PIEZO1: variants seen among roughly 807,000 people sequenced by gnomAD.
The protein encoded by PIEZO1 is piezo-type mechanosensitive ion channel component 1.
In PIEZO1, 296 loss-of-function variants were observed where a neutral mutation model predicts 297.2. The observed-to-expected ratio is 1.00, with a 90% CI of 0.91 to 1.10. The LOEUF is 1.10. Ranked by LOEUF, PIEZO1 falls within the 50% of genes least tolerant of loss-of-function variation. The pLI is 0.00. For missense variants in PIEZO1, 5,018 were observed against 3,455.5 expected (o/e 1.45, Z -11.34); for synonymous variants, 2,427 against 1,507.5 (o/e 1.61, Z -14.13).
intron 2 of PIEZO1, among the ~76,000 whole-genome samples, chr16:88,749,145 CAGG>C (rs1388782360): frequency 1.3e-5 from 2 of 150,324 alleles, no homozygotes. Flanking sequence ...GAGGCTGAGG[CAGG>C]AGAATGGCGT....
At chr16:88,743,261 T>C (rs1905813680) in intron 2 of PIEZO1, 1 of 456,476 alleles carries the variant, frequency 2.2e-6, no homozygotes, top group Non-Finnish European at 4.4e-6. Context: ...TCGGCGCACA[T>C]GTGGACAGCT....
At chr16:88,751,211 G>C (rs1906372006) in intron 1 of PIEZO1, among the ~76,000 whole-genome samples, 1 of 152,192 alleles carries the variant, frequency 6.6e-6, no homozygotes, top group Admixed American at 6.5e-5. Flanking sequence ...CGCAGGGCAA[G>C]TTAGAGGAGG....
At chr16:88,768,999 C>T (rs753100155) in intron 1 of PIEZO1, among the ~76,000 whole-genome samples, 56 of 152,370 alleles carry the variant, frequency 3.7e-4, no homozygotes, top group Non-Finnish European at 7.1e-4. Flanking sequence ...AAAGGCCACA[C>T]ACTGAAGTAC....
At chr16:88,748,488 TCCCCCC>T (rs67008739) in intron 2 of PIEZO1, among the ~76,000 whole-genome samples, 1 of 136,182 alleles carries the variant, frequency 7.3e-6, no homozygotes, top group South Asian at 2.4e-4. Flanking sequence ...GGGTCTCAGC[TCCCCCC>T]CCCCCCCGCA....
Position 88,731,762 on chromosome 16 carries a change from A to C in PIEZO1, c.3140T>G (p.Leu1047Arg), listed in dbSNP as rs1408134247. 1 of 1,549,752 alleles carries C rather than the reference A, an allele frequency of 6.5e-7. No homozygotes were observed. Among genetic ancestry groups the C allele is most frequent in the Admixed American group, 2.0e-5 (1 of 50,982 alleles). ...CAGCAGGTACTGGTACAGCAGGAAC[A>C]GCGCCAGGAAGAGGCAGTAGTTGGG... ...LWPNYCLFLA[L>R]FLLYQYLLCL... The change falls in exon 22 of 51, where the codon CTG becomes CGG. Residue 1047 changes from leucine (L) to arginine (R), a missense_variant. Coordinates refer to ENST00000301015, the MANE Select transcript of PIEZO1 (RefSeq NM_001142864.4).
chr16:88,731,311 G>A (rs1904790236), intron 22 of PIEZO1: 1 of 242,316 alleles, frequency 4.1e-6, no homozygotes, highest in Non-Finnish European at 8.1e-6. Flanking sequence ...GACCACGGGT[G>A]TGGGGCTGTG....
intron 44 of PIEZO1, chr16:88,717,998 G>T (rs186389189): frequency 6.0e-6 from 2 of 332,660 alleles, no homozygotes; most frequent in Admixed American, 9.4e-5. Context: ...TGGGAGAATC[G>T]CTTGAACCTG....
intron 1 of PIEZO1, among the ~76,000 whole-genome samples, chr16:88,778,778 A>G (rs1313850132): frequency 6.6e-6 from 1 of 152,088 alleles, no homozygotes; most frequent in South Asian, 2.1e-4. Context: ...GCGACCCCAC[A>G]CAGAAGGGCG....
Position 88,720,480 on chromosome 16 carries a change from T to C in PIEZO1, c.5854A>G (p.Thr1952Ala), listed in dbSNP as rs767472282. 6.5e-7 allele frequency: 1 copy of C among 1,550,332 alleles called. No homozygotes were observed. The highest frequency in any genetic ancestry group is 8.7e-7 in the Non-Finnish European group (1 of 1,146,922). ...LRRFFHDILH[T>A]KYRAATDVYA... ...ACGTCGGTGGCTGCGCGGTACTTGG[T>C]GTGCAGGATGTCGTGGAAGAAGCGC... Residue 1952 changes from threonine to alanine, a missense_variant, in exon 41 of 51, where the codon ACC (threonine) becomes GCC (alanine). Transcript: ENST00000301015.
In PIEZO1 at chr16:88,738,592, C is replaced by T. The variant is rs1905419344; in HGVS notation, c.610G>A (p.Ala204Thr). The change falls in exon 6 of 51, where the codon GCC becomes ACC. Residue 204 changes from alanine (A) to threonine (T), a missense_variant. Physicochemically the swap from Ala to Thr is moderately conservative, Grantham distance 58. Transcript: ENST00000301015. Reference protein sequence around the residue: ...WLLVAAGRVLAVTLLALAGIA... With the variant: ...WLLVAAGRVLTVTLLALAGIA... ...CCTGCCAGTGCAAGCAGTGTTACGGCCAGGACCCGCCCAGCCGCCACCAGC... is the reference window on the plus strand; with the variant it reads ...CCTGCCAGTGCAAGCAGTGTTACGGTCAGGACCCGCCCAGCCGCCACCAGC... The T allele has an allele frequency of 6.5e-7, 1 of 1,535,510 alleles. No individual in the cohort carries two copies.
intron 22 of PIEZO1, among the ~76,000 whole-genome samples, chr16:88,728,078 G>A (rs1904583489): frequency 6.6e-6 from 1 of 152,280 alleles, no homozygotes; most frequent in Admixed American, 6.5e-5. Context: ...TCAGCACGTG[G>A]GACCGGGATC....
chr16:88,716,385 A>G lies in PIEZO1; in HGVS notation c.7025T>C (p.Leu2342Pro). ...STARRQLASLLEGTSDQSVVI... is the reference protein window; with the variant it reads ...STARRQLASLPEGTSDQSVVI... ...CACAGACTGGTCCGAGGTGCCCTCGAGCAGGCTGGCCAGCTGCCGCCGTGC... is the reference window on the plus strand; with the variant it reads ...CACAGACTGGTCCGAGGTGCCCTCGGGCAGGCTGGCCAGCTGCCGCCGTGC... Residue 2342 changes from leucine (L) to proline (P), a missense_variant, in exon 48 of 51, where the codon CTC becomes CCC. By Grantham distance (98) the Leu-to-Pro change is moderately conservative. Transcript: ENST00000301015. The G allele has an allele frequency of 6.5e-7, 1 of 1,546,542 alleles. No homozygotes were observed. The highest frequency in any genetic ancestry group is 2.4e-5 in the East Asian group (1 of 40,860).
chr16:88,727,258 A>G (rs1904516078), intron 23 of PIEZO1, 66 bp from the exon 24 acceptor site: 1 of 1,445,936 alleles, frequency 6.9e-7, no homozygotes, highest in African/African-American at 1.4e-5. Flanking sequence ...CGGCGCATAA[A>G]TCCCACCTCC....
In PIEZO1 at chr16:88,721,943, G is replaced by T; in HGVS notation, c.5079C>A (p.Phe1693Leu). ...TGACCATGTGGTTGAGGATGATGAT[G>T]AAGTAGCAGAGCAGCTCCGAGTGGG... Reference protein sequence around the residue: ...VAAHSELLCYFIIILNHMVTA... With the variant: ...VAAHSELLCYLIIILNHMVTA... The change falls in exon 37 of 51, where the codon TTC (phenylalanine) becomes TTA (leucine). Residue 1693 changes from phenylalanine to leucine, a missense_variant. By Grantham distance (22) the Phe-to-Leu change is conservative. Transcript: ENST00000301015. 1 of 1,550,180 alleles carries T rather than the reference G, an allele frequency of 6.5e-7. No homozygotes were observed. The highest frequency in any genetic ancestry group is 8.7e-7 in the Non-Finnish European group (1 of 1,146,820).
intron 1 of PIEZO1, among the ~76,000 whole-genome samples, chr16:88,766,451 AT>A (rs1383749954): frequency 6.6e-6 from 1 of 152,196 alleles, no homozygotes; most frequent in Non-Finnish European, 1.5e-5. Context: ...AGAGAGACAT[AT>A]CAATATATAA....
chr16:88,755,492 G>A (rs563477013), intron 1 of PIEZO1, among the ~76,000 whole-genome samples: 152 of 152,346 alleles, frequency 1.0e-3, no homozygotes, highest in African/African-American at 3.5e-3. Flanking sequence ...ATTCCTCCCA[G>A]GGCACGATAC....
At chr16:88,732,955 G>A (rs1379051855) in intron 19 of PIEZO1, 1 of 590,594 alleles carries the variant, frequency 1.7e-6, no homozygotes, top group Admixed American at 3.1e-5. Context: ...GGTCCAGGGA[G>A]AAGGAGGGAT....
intron 5 of PIEZO1, 108 bp downstream of exon 5, chr16:88,741,370 C>G: frequency 9.1e-7 from 1 of 1,103,784 alleles, no homozygotes; most frequent in Non-Finnish European, 1.3e-6. Context: ...CAACTTACAA[C>G]CAAAACGTCT....
intron 1 of PIEZO1, among the ~76,000 whole-genome samples, chr16:88,764,707 C>T (rs538880800): frequency 1.3e-4 from 20 of 149,032 alleles, no homozygotes; most frequent in African/African-American, 4.0e-4. Context: ...GCTGGGATCG[C>T]ACCACTGCAC....
Sources: gnomAD v4.1 joint callset for allele counts (sites outside exome capture counted in the v4.1 genomes callset) on GRCh38, gnomAD v4.1.1 for gene constraint, MANE v1.5 for transcripts, NCBI Gene and HGNC (gene_info 2026-07-23, HGNC 2026-07-21) for gene names.